The following RCAN1 variants were observed in gnomAD, a reference collection of about 807,000 sequenced individuals.
RCAN1 encodes calcipressin-1.
RCAN1 carries 11 observed loss-of-function variants against 22.9 expected under a neutral mutation model. The observed-to-expected ratio is 0.48, with a 90% CI of 0.30 to 0.79. The LOEUF is 0.79. Ranked by LOEUF, RCAN1 falls within the 30% of genes least tolerant of loss-of-function variation. RCAN1 has a pLI of 0.06. For synonymous variants in RCAN1, 136 were observed against 142.3 expected (o/e 0.96, Z 0.32); for missense variants, 291 against 337.8 (o/e 0.86, Z 1.09).
intron 1 of RCAN1, chr21:34,526,778 G>C: frequency 6.2e-7 from 1 of 1,600,648 alleles, no homozygotes; most frequent in Non-Finnish European, 8.5e-7. Flanking sequence ...AAGCGCTACA[G>C]ACCCACGCAG....
intron 1 of RCAN1, among the ~76,000 whole-genome samples, chr21:34,586,125 G>A (rs1412632927): frequency 6.6e-6 from 1 of 152,170 alleles, no homozygotes; most frequent in Admixed American, 6.5e-5. Flanking sequence ...CTCAGCCACT[G>A]ATAAGAATAG....
chr21:34,588,268 A>T (rs1431375594), intron 1 of RCAN1, among the ~76,000 whole-genome samples: 1 of 152,100 alleles, frequency 6.6e-6, no homozygotes, highest in Non-Finnish European at 1.5e-5. Context: ...ATGGTGATGG[A>T]GGTCAGCATG....
At chr21:34,595,835 G>A (rs916265958) in intron 1 of RCAN1, among the ~76,000 whole-genome samples, 5 of 152,238 alleles carry the variant, frequency 3.3e-5, no homozygotes, top group African/African-American at 9.6e-5. Context: ...GACCTGTGGT[G>A]TCAGACAAGC....
At chr21:34,546,015 G>T (rs77203129) in intron 1 of RCAN1, among the ~76,000 whole-genome samples, 137 of 152,264 alleles carry the variant, frequency 9.0e-4, no homozygotes, top group Non-Finnish European at 1.8e-3. Context: ...ATCTTAACTG[G>T]ATCTCTGTGG....
At chr21:34,563,770 A>ATATAT (rs1491234478) in intron 1 of RCAN1, among the ~76,000 whole-genome samples, 57 of 65,412 alleles carry the variant, frequency 8.7e-4, no homozygotes, top group African/African-American at 1.9e-3. Flanking sequence ...AAAAAAAAAA[A>ATATAT]ATATATATAT....
chr21:34,517,079 G>C lies in RCAN1; in HGVS notation c.*1005C>G, dbSNP rs535155443. 4.6e-5 allele frequency: 7 copies of C among 152,474 alleles called. No homozygotes were observed. Among genetic ancestry groups the C allele is most frequent in the Non-Finnish European group, 8.8e-5 (6 of 68,042 alleles). The allele number at this position is 152,474 out of a possible 1,614,324, so 9.4% of individuals were successfully genotyped here. The stretch of plus-strand genomic sequence containing the variant: ...ATACTTTTCACCCAAGTGTACAACA[G>C]GTATGAATATATGCTATCAGCTTTA... On this transcript the variant is annotated 3_prime_UTR_variant, in exon 4 of 4. Coordinates refer to ENST00000313806, the MANE Select transcript of RCAN1 (RefSeq NM_004414.7).
At chr21:34,541,127 A>G (rs1225106053) in intron 1 of RCAN1, among the ~76,000 whole-genome samples, 1 of 152,196 alleles carries the variant, frequency 6.6e-6, no homozygotes, top group East Asian at 1.9e-4. Context: ...ATGAGACTGC[A>G]GCTCCAGTGA....
chr21:34,564,282 G>C (rs1280926066), intron 1 of RCAN1, among the ~76,000 whole-genome samples: 1 of 152,074 alleles, frequency 6.6e-6, no homozygotes, highest in African/African-American at 2.4e-5. Flanking sequence ...ATGAGATTTC[G>C]GGTGGGGACA....
intron 1 of RCAN1, among the ~76,000 whole-genome samples, chr21:34,590,646 C>T (rs1405025378): frequency 6.6e-6 from 1 of 152,186 alleles, no homozygotes. Flanking sequence ...GTCTGACATT[C>T]CAGGATGCTG....
intron 1 of RCAN1, among the ~76,000 whole-genome samples, chr21:34,526,018 G>GTAT (rs1985023953): frequency 1.3e-5 from 2 of 152,144 alleles, no homozygotes; most frequent in Admixed American, 6.5e-5. Flanking sequence ...TTCCTATACA[G>GTAT]TATTATTAAA....
At chr21:34,601,324 C>T (rs533241132) in intron 1 of RCAN1, among the ~76,000 whole-genome samples, 2 of 152,274 alleles carry the variant, frequency 1.3e-5, no homozygotes, top group South Asian at 4.1e-4. Context: ...CAACACAACC[C>T]CAGGAGGTAG....
At chr21:34,583,920 TTTA>T (rs1987706978) in intron 1 of RCAN1, among the ~76,000 whole-genome samples, 1 of 151,978 alleles carries the variant, frequency 6.6e-6, no homozygotes, top group African/African-American at 2.4e-5. Context: ...ACACACACAA[TTTA>T]TTATTACACA....
chr21:34,613,815 G>A (rs1205669847), intron 1 of RCAN1: 1 of 1,490,260 alleles, frequency 6.7e-7, no homozygotes, highest in Non-Finnish European at 9.1e-7. Context: ...CAGTGGTGTT[G>A]TATTGGCAGC....
intron 1 of RCAN1, among the ~76,000 whole-genome samples, chr21:34,550,927 C>T (rs1986342330): frequency 6.6e-6 from 1 of 152,196 alleles, no homozygotes; most frequent in African/African-American, 2.4e-5. Context: ...TATCATATAG[C>T]CGATAGAATC....
chr21:34,568,748 AG>A (rs1448978425), intron 1 of RCAN1, among the ~76,000 whole-genome samples: 28 of 152,352 alleles, frequency 1.8e-4, no homozygotes, highest in African/African-American at 6.0e-4. Flanking sequence ...AGCCATTTCA[AG>A]TCTGATTTCA....
intron 1 of RCAN1, among the ~76,000 whole-genome samples, chr21:34,536,458 C>A (rs541855852): frequency 1.7e-3 from 252 of 152,288 alleles, no homozygotes; most frequent in Non-Finnish European, 2.6e-3. Context: ...GTCTGGTTAG[C>A]CCTCATCCCT....
chr21:34,557,068 C>T (rs1301935564), intron 1 of RCAN1, among the ~76,000 whole-genome samples: 1 of 152,104 alleles, frequency 6.6e-6, no homozygotes, highest in Non-Finnish European at 1.5e-5. Context: ...CAAAAATTAG[C>T]TGGGTATGGT....
chr21:34,570,000 G>T (rs978101196), intron 1 of RCAN1, among the ~76,000 whole-genome samples: 2 of 152,224 alleles, frequency 1.3e-5, no homozygotes, highest in African/African-American at 4.8e-5. Flanking sequence ...TGGTGGGCCT[G>T]CCCATGGCTT....
intron 1 of RCAN1, among the ~76,000 whole-genome samples, chr21:34,547,025 G>A (rs1027851122): frequency 2.0e-5 from 3 of 152,162 alleles, no homozygotes; most frequent in Non-Finnish European, 2.9e-5. Flanking sequence ...CCACACTTTT[G>A]CAAGGTCTCC....
Sources: gnomAD v4.1 joint callset for allele counts (sites outside exome capture counted in the v4.1 genomes callset) on GRCh38, gnomAD v4.1.1 for gene constraint, MANE v1.5 for transcripts, NCBI Gene and HGNC (gene_info 2026-07-23, HGNC 2026-07-21) for gene names.